Variants in CFAP206 observed in about 807,000 individuals in gnomAD.
CFAP206 encodes cilia- and flagella-associated protein 206.
A neutral mutation model predicts 65.4 loss-of-function variants in CFAP206; 53 were observed. That is an observed-to-expected ratio of 0.81 (90% CI 0.65 to 1.02). The LOEUF is 1.02. Ranked by LOEUF, CFAP206 falls within the 50% of genes least tolerant of loss-of-function variation. The probability of loss-of-function intolerance (pLI) is 0.00; values close to 1 mark genes in which losing one functional copy is unlikely to be tolerated. For synonymous variants in CFAP206, 250 were observed against 254.4 expected, an observed-to-expected ratio of 0.98 and a Z score of 0.17; for missense variants, 663 against 753.2, an observed-to-expected ratio of 0.88 and a Z score of 1.40.
chr6:87,449,167 T>G lies in CFAP206; in HGVS notation c.1495-11855T>G, dbSNP rs555464334. ...GTTCCCTTTCCTGGGCCAGGCGCGG[T>G]GGCTCACGCCTGTAATCCCAACACT... On this transcript the variant is annotated intron_variant, in intron 11 of 12. Coordinates refer to ENST00000369562, the MANE Select transcript of CFAP206 (RefSeq NM_001031743.3). Among the ~76,000 whole-genome samples the G allele has an allele frequency of 2.0e-5, 3 of 152,188 alleles. No individual in the cohort carries two copies. In the South Asian group the frequency reaches 6.2e-4, roughly 32 times the overall value.
Position 87,464,191 on chromosome 6 carries a change from A to C in CFAP206, c.1810A>C (p.Lys604Gln). 1 of 1,614,198 alleles carries C rather than the reference A, an allele frequency of 6.2e-7. No homozygotes were observed. The highest frequency in any genetic ancestry group is 8.5e-7 in the Non-Finnish European group (1 of 1,180,018). Residue 604 changes from lysine to glutamine, a missense_variant, in exon 13 of 13, where the codon AAG (lysine) becomes CAG (glutamine). Coordinates refer to ENST00000369562, the MANE Select transcript of CFAP206 (RefSeq NM_001031743.3). ...TTACTTGGCTGGTCTTCGTGGAGGA[A>C]AGAGCGAAATCACCGATGAGGTCAA... ...QIYLAGLRGG[K>Q]SEITDEVKVN...
intron 6 of CFAP206, 87 bp downstream of exon 6, chr6:87,416,914 C>T (rs985219207): frequency 9.1e-6 from 10 of 1,103,794 alleles, no homozygotes; most frequent in Non-Finnish European, 1.3e-5. Context: ...CAACACACCA[C>T]TGGCATTCTT....
At chr6:87,433,779 A>G (rs1768201569) in intron 10 of CFAP206, among the ~76,000 whole-genome samples, 1 of 152,206 alleles carries the variant, frequency 6.6e-6, no homozygotes, top group Admixed American at 6.5e-5. Context: ...TTTTAGCAAA[A>G]TAAAAGCATA....
intron 6 of CFAP206, 100 bp from the exon 7 acceptor site, chr6:87,418,108 A>T (rs1469828234): frequency 9.6e-7 from 1 of 1,044,986 alleles, no homozygotes; most frequent in African/African-American, 1.6e-5. Context: ...GGGGAGAAAA[A>T]CCCTAACTTA....
chr6:87,459,018 T>G (rs1768698187), intron 11 of CFAP206, among the ~76,000 whole-genome samples: 2 of 152,138 alleles, frequency 1.3e-5, no homozygotes. Context: ...TTGTTCAAAT[T>G]GTAGAGTTCC....
intron 11 of CFAP206, chr6:87,445,098 A>G (rs370543664): frequency 2.6e-5 from 12 of 468,884 alleles, no homozygotes; most frequent in East Asian, 1.8e-4. Context: ...ACCATCATTT[A>G]GGGCTTCAGT....
intron 1 of CFAP206, 43 bp downstream of exon 1, chr6:87,408,132 C>A: frequency 1.0e-6 from 1 of 953,450 alleles, no homozygotes. Flanking sequence ...CGGAGGCGTA[C>A]CCCGCCAGGC....
chr6:87,461,157 A>G lies in CFAP206; in HGVS notation c.1630A>G (p.Ile544Val), dbSNP rs1768740168. The change falls in exon 12 of 13, where the codon ATA becomes GTA. Residue 544 changes from isoleucine to valine, a missense_variant. By Grantham distance (29) the Ile-to-Val change is conservative (BLOSUM62 3). Transcript: ENST00000369562. The part of the protein sequence containing the change: ...WNEWELRRKA[I>V]KLANLRQKVT... ...TGAATGGGAATTAAGAAGAAAAGCT[A>G]TAAAATTGGTTTGTAACAATACTTT... 2 of 1,554,596 alleles carry G rather than the reference A, an allele frequency of 1.3e-6. No homozygotes were observed. The highest frequency in any genetic ancestry group is 4.9e-5 in the East Asian group (2 of 40,990).
intron 11 of CFAP206, among the ~76,000 whole-genome samples, chr6:87,440,581 T>G (rs1352873538): frequency 6.6e-6 from 1 of 152,174 alleles, no homozygotes; most frequent in Non-Finnish European, 1.5e-5. Flanking sequence ...AATCGTAATA[T>G]GCAAAATGAA....
chr6:87,412,703 A>G (rs766330333), intron 3 of CFAP206, among the ~76,000 whole-genome samples: 1 of 151,906 alleles, frequency 6.6e-6, no homozygotes, highest in African/African-American at 2.4e-5. Flanking sequence ...CTGTCCCCCA[A>G]GCTGGGGTGC....
chr6:87,444,899 T>G, intron 11 of CFAP206: 1 of 541,618 alleles, frequency 1.8e-6, no homozygotes, highest in Non-Finnish European at 3.6e-6. Flanking sequence ...GAAAAGCGCT[T>G]GTAAGGCTCA....
intron 10 of CFAP206, among the ~76,000 whole-genome samples, chr6:87,432,628 A>AC (rs1562247602): frequency 6.6e-6 from 1 of 152,182 alleles, no homozygotes; most frequent in Non-Finnish European, 1.5e-5. Context: ...GAACTAGGTA[A>AC]CCTTTATGAA....
intron 11 of CFAP206, among the ~76,000 whole-genome samples, chr6:87,438,481 A>T (rs1361632321): frequency 1.3e-5 from 2 of 150,036 alleles, no homozygotes; most frequent in Admixed American, 6.6e-5. Flanking sequence ...AAAAAAAAAG[A>T]TCATTATTCT....
intron 7 of CFAP206, among the ~76,000 whole-genome samples, chr6:87,422,057 GA>G (rs1458598502): frequency 6.6e-6 from 1 of 152,126 alleles, no homozygotes; most frequent in African/African-American, 2.4e-5. Context: ...AGAAGACAAA[GA>G]AACATGCTGG....
chr6:87,409,797 A>G, intron 1 of CFAP206, 38 bp from the exon 2 acceptor site: 1 of 1,392,946 alleles, frequency 7.2e-7, no homozygotes, highest in Non-Finnish European at 1.0e-6. Context: ...TTTGCATAAA[A>G]CCACGGTTTT....
In CFAP206 at chr6:87,428,636, T is replaced by C. The variant is rs1768096487; in HGVS notation, c.971T>C (p.Ile324Thr). Residue 324 changes from isoleucine to threonine, a missense_variant, in exon 9 of 13, where the codon ATT becomes ACT. Coordinates refer to ENST00000369562, the MANE Select transcript of CFAP206 (RefSeq NM_001031743.3). Reference protein sequence around the residue: ...VPTSQVFPIFIALSTLWTSLQ... With the variant: ...VPTSQVFPIFTALSTLWTSLQ... ...TTTTCTCTTCCTCAGCCTATCTTCATTGCACTTTCTACTCTGTGGACCAGC... is the reference window on the plus strand; with the variant it reads ...TTTTCTCTTCCTCAGCCTATCTTCACTGCACTTTCTACTCTGTGGACCAGC... 6.2e-7 allele frequency: 1 copy of C among 1,614,014 alleles called. No homozygotes were observed. Among genetic ancestry groups the C allele is most frequent in the Non-Finnish European group, 8.5e-7 (1 of 1,179,994 alleles).
At chr6:87,439,646 C>A (rs1187019415) in intron 11 of CFAP206, among the ~76,000 whole-genome samples, 1 of 151,870 alleles carries the variant, frequency 6.6e-6, no homozygotes, top group Non-Finnish European at 1.5e-5. Flanking sequence ...AATATTCTTA[C>A]CTTTTTTTAA....
chr6:87,429,977 G>A (rs1768129315), intron 9 of CFAP206, among the ~76,000 whole-genome samples: 1 of 152,128 alleles, frequency 6.6e-6, no homozygotes, highest in Admixed American at 6.5e-5. Flanking sequence ...CTCCAACAGT[G>A]TATATTAAGC....
At chr6:87,447,178 A>C (rs2325062) in intron 11 of CFAP206, among the ~76,000 whole-genome samples, 41,700 of 151,876 alleles carry the variant, frequency 0.27, 5,923 homozygotes, top group Admixed American at 0.38. Context: ...AATATCCTTT[A>C]TTTCTTTCTC....
Sources: allele counts gnomAD v4.1 joint callset (sites outside exome capture counted in the v4.1 genomes callset), GRCh38; gene constraint gnomAD v4.1.1; transcripts MANE v1.5; gene names NCBI Gene and HGNC (gene_info 2026-07-23, HGNC 2026-07-21).